TOP2A: variants seen among roughly 807,000 people sequenced by gnomAD.
TOP2A encodes the protein DNA topoisomerase II alpha.
TOP2A carries 68 observed loss-of-function variants against 187.2 expected under a neutral mutation model. The ratio of observed to expected loss-of-function variants is 0.36; its 90% CI spans 0.30 to 0.44. TOP2A has a LOEUF of 0.44. Among genes scored for constraint, TOP2A ranks in the 20% least tolerant of loss-of-function variants. The pLI is 1.00. For missense variants in TOP2A, 1,196 were observed against 1,808.7 expected, an observed-to-expected ratio of 0.66 and a Z score of 6.14; for synonymous variants, 542 against 593.2, an observed-to-expected ratio of 0.91 and a Z score of 1.25.
chr17:40,390,448 C>T (rs1171794186), intron 33 of TOP2A, among the ~76,000 whole-genome samples: 1 of 151,986 alleles, frequency 6.6e-6, no homozygotes, highest in East Asian at 1.9e-4. Flanking sequence ...CCTCGGCCTC[C>T]CAAAGTGCTG....
chr17:40,400,159 A>C (rs1414731355), intron 23 of TOP2A, 50 bp downstream of exon 23: 62 of 1,590,736 alleles, frequency 3.9e-5, no homozygotes, highest in Non-Finnish European at 5.3e-5. Flanking sequence ...AATTGATATT[A>C]ATCTTTAATA....
chr17:40,410,693 T>C lies in TOP2A; in HGVS notation c.1203+416A>G, dbSNP rs558568867. Reference sequence around the variant, plus strand: ...GGAAGGCTCCCAGCTTTCTTGTTTATACAACCTAGAGGTTGGTTGGGGCTT... The same window carrying C: ...GGAAGGCTCCCAGCTTTCTTGTTTACACAACCTAGAGGTTGGTTGGGGCTT... On this transcript the variant is annotated intron_variant, in intron 10 of 34. Transcript: ENST00000423485. 1.1e-5 allele frequency: 5 copies of C among 452,910 alleles called. No individual in the cohort carries two copies. In the East Asian group the frequency reaches 2.8e-4, roughly 25 times the overall value. 28.1% of individuals were successfully genotyped at this position (452,910 alleles called of 1,614,324 possible).
At chr17:40,394,473 C>T (rs937797532) in intron 29 of TOP2A, among the ~76,000 whole-genome samples, 12 of 152,174 alleles carry the variant, frequency 7.9e-5, no homozygotes, top group African/African-American at 2.9e-4. Context: ...GCTGGGACTA[C>T]AGGCACGCAC....
intron 10 of TOP2A, chr17:40,409,540 A>G: frequency 2.4e-6 from 1 of 423,500 alleles, no homozygotes; most frequent in Non-Finnish European, 4.6e-6. Context: ...TGGTGGATCA[A>G]GTGAGGCCAG....
intron 16 of TOP2A, among the ~76,000 whole-genome samples, chr17:40,405,303 C>G (rs2035226500): frequency 6.6e-6 from 1 of 151,976 alleles, no homozygotes; most frequent in Admixed American, 6.6e-5. Flanking sequence ...GCACGTGCCA[C>G]CACACCCAGC....
In TOP2A at chr17:40,392,711, A is replaced by G. The variant is rs368644714; in HGVS notation, c.3838T>C (p.Leu1280=). ...PGTKTKKQTT[L]AFKPIKKGKK... ...CCTTTTTTGATTGGCTTAAATGCCAATGTAGTTTGTTTCTTTGTCTTTGTA... is the reference window on the plus strand; with the variant it reads ...CCTTTTTTGATTGGCTTAAATGCCAGTGTAGTTTGTTTCTTTGTCTTTGTA... Residue 1280 remains leucine (L), a synonymous_variant, in exon 30 of 35, where the codon TTG becomes CTG. Transcript: ENST00000423485. 5.0e-6 allele frequency: 8 copies of G among 1,611,912 alleles called. No homozygotes were observed. The highest frequency in any genetic ancestry group is 6.8e-6 in the Non-Finnish European group (8 of 1,179,700).
Position 40,404,509 on chromosome 17 carries a change from A to G in TOP2A, c.2047-18T>C, listed in dbSNP as rs1157195623. The G allele has an allele frequency of 4.3e-6, 6 of 1,394,680 alleles. No individual in the cohort carries two copies. The African/African-American group carries it at 7.1e-5, about 17-fold the overall frequency. 86.4% of individuals were successfully genotyped at this position (1,394,680 alleles called of 1,614,324 possible). On this transcript the variant is annotated intron_variant, in intron 17 of 34. Coordinates refer to ENST00000423485, the MANE Select transcript of TOP2A (RefSeq NM_001067.4). The stretch of plus-strand genomic sequence containing the variant: ...AAGTAATCCTGAAGGACCAAATAGT[A>G]TTACATGAGTCTACCGGTCTAAACA...
In TOP2A at chr17:40,404,487, T is replaced by A; in HGVS notation, c.2051A>T (p.Tyr684Phe). 6.3e-7 allele frequency: 1 copy of A among 1,582,858 alleles called. No homozygotes were observed. Among genetic ancestry groups the A allele is most frequent in the Non-Finnish European group, 8.7e-7 (1 of 1,153,950 alleles). The change falls in exon 18 of 35, where the codon TAC (tyrosine) becomes TTC (phenylalanine). Residue 684 changes from tyrosine (Y) to phenylalanine (F), a missense_variant. By Grantham distance (22) the Tyr-to-Phe change is conservative. Around this residue, in one of 10 missense-constraint regions of TOP2A, gnomAD observed 209 missense variants for 376.9 expected, o/e 0.55. Transcript: ENST00000423485. ...QRKLLGLPED[Y>F]LYGQTTTYLT... ...ATATGTGGTAGTTTGTCCATACAAG[T>A]AATCCTGAAGGACCAAATAGTATTA...
Position 40,392,359 on chromosome 17 carries a change from T to A in TOP2A, c.3965-18A>T. 1 of 1,571,946 alleles carries A rather than the reference T, an allele frequency of 6.4e-7. No individual in the cohort carries two copies. The highest frequency in any genetic ancestry group is 8.6e-7 in the Non-Finnish European group (1 of 1,157,248). ...TGTTTTTGCTAGTAAAAAAACCATA[T>A]ACAAAAAAATCAAAGAGGGTAGTAG... is the stretch of plus-strand genomic sequence containing the variant. On this transcript the variant is annotated intron_variant, in intron 30 of 34. Coordinates refer to ENST00000423485, the MANE Select transcript of TOP2A (RefSeq NM_001067.4).
chr17:40,405,348 A>AGG (rs1340852317), intron 16 of TOP2A, among the ~76,000 whole-genome samples: 1 of 150,524 alleles, frequency 6.6e-6, no homozygotes. Context: ...ATGGGGTTTC[A>AGG]CCATGTTGGT....
chr17:40,412,416 C>T (rs916775571), intron 7 of TOP2A, among the ~76,000 whole-genome samples: 5 of 151,922 alleles, frequency 3.3e-5, no homozygotes, highest in African/African-American at 9.7e-5. Context: ...GAGGCCAAGA[C>T]GGGTGGATCA....
intron 12 of TOP2A, 42 bp downstream of exon 12, chr17:40,407,925 T>C (rs746924754): frequency 1.3e-6 from 2 of 1,554,380 alleles, no homozygotes; most frequent in Admixed American, 3.9e-5. Flanking sequence ...AGTCTTGTAT[T>C]ATAAATTAGA....
At position 40,395,437 on chromosome 17, in the gene TOP2A, ATGT is replaced by A; in HGVS notation, c.3811+9_3811+11del. On this transcript the variant is annotated intron_variant, in intron 29 of 34. Coordinates refer to ENST00000423485, the MANE Select transcript of TOP2A (RefSeq NM_001067.4). ...TTCACTTTATACCATTTTTCTAAAA[ATGT>A]TGTAATACCTGGTTCTCTTTTCTGT... The A allele has an allele frequency of 1.3e-6, 2 of 1,566,706 alleles. No homozygotes were observed. Among genetic ancestry groups the A allele is most frequent in the Non-Finnish European group, 1.7e-6 (2 of 1,144,504 alleles).
At chr17:40,390,275 G>A (rs1334384444) in intron 33 of TOP2A, 111 bp from the exon 34 acceptor site, 22 of 1,010,132 alleles carry the variant, frequency 2.2e-5, no homozygotes, top group Non-Finnish European at 3.1e-5. Context: ...TGCAACCTCT[G>A]CCTCCTGGGT....
rs532640486 is a variant in TOP2A at position 40,409,509 on chromosome 17, A to G, written c.1204-879T>C. 484 of 442,556 alleles carry G rather than the reference A, an allele frequency of 1.1e-3. 1 individual carries two copies. Among genetic ancestry groups the G allele is most frequent in the African/African-American group, 9.5e-3 (467 of 49,320 alleles). The allele number at this position is 442,556 out of a possible 1,614,324, so 27.4% of individuals were successfully genotyped here. ...TGCAGTGGCTTACGCCTGTAATCAC[A>G]GCACTTTAGGAGGCCGAGGATGGTG... On this transcript the variant is annotated intron_variant, in intron 10 of 34. Coordinates refer to ENST00000423485, the MANE Select transcript of TOP2A (RefSeq NM_001067.4).
At chr17:40,414,854 CAAAAAAAAAAAA>C (rs531134947) in intron 4 of TOP2A, among the ~76,000 whole-genome samples, 4 of 47,628 alleles carry the variant, frequency 8.4e-5, no homozygotes, top group South Asian at 7.1e-4. Context: ...AAAACTCCAT[CAAAAAAAAAAAA>C]AAAAAAAAGG....
intron 33 of TOP2A, 91 bp from the exon 34 acceptor site, chr17:40,390,255 C>G (rs1646915068): frequency 8.4e-7 from 1 of 1,184,216 alleles, no homozygotes; most frequent in Non-Finnish European, 1.2e-6. Context: ...GTGGTGTTAT[C>G]TCGGCTCACT....
Position 40,408,062 on chromosome 17 carries a change from C to T in TOP2A, c.1405G>A (p.Ala469Thr), listed in dbSNP as rs2143669817. The change falls in exon 12 of 35, where the codon GCT (alanine) becomes ACT (threonine). Residue 469 changes from alanine (A) to threonine (T), a missense_variant. Physicochemically the swap from Ala to Thr is moderately conservative, Grantham distance 58. Transcript: ENST00000423485. ...LTEGDSAKTLAVSGLGVVGRD... is the reference protein window; with the variant it reads ...LTEGDSAKTLTVSGLGVVGRD... ...CCAACCACACCAAGGCCTGAAACAG[C>T]CAAAGTTTTGGCTGAATCTCCCTCA... 2 of 1,613,560 alleles carry T rather than the reference C, an allele frequency of 1.2e-6. No individual in the cohort carries two copies. The highest frequency in any genetic ancestry group is 1.7e-6 in the Non-Finnish European group (2 of 1,179,644).
Position 40,392,210 on chromosome 17 carries a change from A to G in TOP2A, c.4088+8T>C, listed in dbSNP as rs766394646. ...CATGACAAAACCCATATTAGATAAG[A>G]TACTTGCTTTGGGGAAGTTTTGGTC... On this transcript the variant is annotated splice_region_variant and intron_variant, in intron 31 of 34. Transcript: ENST00000423485. 310 of 1,613,084 alleles carry G rather than the reference A, an allele frequency of 1.9e-4. No homozygotes were observed. The Admixed American group carries it at 5.1e-3, about 27-fold the overall frequency.
Sources: gnomAD v4.1 joint callset for allele counts (sites outside exome capture counted in the v4.1 genomes callset) on GRCh38, gnomAD v4.1.1 for gene constraint, gnomAD v4.1.1 regional missense constraint, MANE v1.5 for transcripts, NCBI Gene and HGNC (gene_info 2026-07-23, HGNC 2026-07-21) for gene names.